Variants in L3HYPDH observed in about 807,000 individuals in gnomAD.
L3HYPDH encodes the protein trans-3-hydroxy-L-proline dehydratase.
L3HYPDH carries 32 observed loss-of-function variants against 26.5 expected under a neutral mutation model. That is an observed-to-expected ratio of 1.21 (90% confidence interval 0.91 to 1.62). L3HYPDH has a LOEUF of 1.62. Among genes scored for constraint, L3HYPDH ranks in the 40% most tolerant of loss-of-function variants. The pLI is 0.00. For missense variants in L3HYPDH, 554 were observed against 476.4 expected (o/e 1.16, Z -1.52); for synonymous variants, 215 against 196.6 (o/e 1.09, Z -0.78).
At chr14:59,475,844 A>G (rs1889588028) in intron 4 of L3HYPDH, 25 bp downstream of exon 4, 1 of 1,595,342 alleles carries the variant, frequency 6.3e-7, no homozygotes, top group African/African-American at 1.4e-5. Context: ...ACATTTATAA[A>G]TAAGAAGCTA....
chr14:59,482,844 ATTCCTGGT>A (rs962203415), intron 1 of L3HYPDH, among the ~76,000 whole-genome samples: 57 of 152,352 alleles, frequency 3.7e-4, no homozygotes, highest in African/African-American at 1.3e-3. Flanking sequence ...GGATAACTCT[ATTCCTGGT>A]AAACTGGCTC....
Position 59,484,104 on chromosome 14 carries a change from C to T in L3HYPDH, c.213G>A (p.Gly71=). Residue 71 remains glycine, a synonymous_variant, in exon 1 of 5, where the codon GGG becomes GGA. Transcript: ENST00000247194. ...GGACCGCCCCGTACATGTCCCGGTG[C>T]CCTCGGGGCTCGAACATGAGCCGTC... is the stretch of plus-strand genomic sequence containing the variant. ...VRRRLMFEPR[G]HRDMYGAVLV... 1 of 1,605,252 alleles carries T rather than the reference C, an allele frequency of 6.2e-7. No individual in the cohort carries two copies. The highest frequency in any genetic ancestry group is 1.1e-5 in the South Asian group (1 of 90,824).
chr14:59,475,205 AAAAC>A (rs1889546235), intron 4 of L3HYPDH: 1 of 152,040 alleles, frequency 6.6e-6, no homozygotes, highest in Non-Finnish European at 1.5e-5. Flanking sequence ...ATAAAACAAA[AAAAC>A]AAAAAAAAAC....
intron 4 of L3HYPDH, among the ~76,000 whole-genome samples, chr14:59,475,596 C>A (rs917995289): frequency 6.6e-6 from 1 of 152,154 alleles, no homozygotes; most frequent in Non-Finnish European, 1.5e-5. Context: ...CCCCACTGTA[C>A]ACTCTTGAGA....
chr14:59,484,120 A>C lies in L3HYPDH; in HGVS notation c.197T>G (p.Met66Arg), dbSNP rs139828539. 2 of 1,603,404 alleles carry C rather than the reference A, an allele frequency of 1.2e-6. No homozygotes were observed. The highest frequency in any genetic ancestry group is 2.2e-5 in the South Asian group (2 of 90,822). ...GTCCCGGTGCCCTCGGGGCTCGAAC[A>C]TGAGCCGTCGCCGCACGTGGTCAAG... ...QHLDHVRRRL[M>R]FEPRGHRDMY... Residue 66 changes from methionine to arginine, a missense_variant, in exon 1 of 5, where the codon ATG becomes AGG. Coordinates refer to ENST00000247194, the MANE Select transcript of L3HYPDH (RefSeq NM_144581.2).
rs1890263039 is a variant in L3HYPDH at position 59,483,912 on chromosome 14, G to A, written c.405C>T (p.Ile135=). 1 of 1,559,826 alleles carries A rather than the reference G, an allele frequency of 6.4e-7. No individual in the cohort carries two copies. Among genetic ancestry groups the A allele is most frequent in the Non-Finnish European group, 8.6e-7 (1 of 1,158,720 alleles). The part of the protein sequence containing the change: ...PAGTREARVN[I]HCPCGLVTAF... Reference sequence around the variant, plus strand: ...CGGTCACCAGCCCGCAGGGGCAGTGGATATTGACGCGGGCCTCGCGGGTGC... The same window carrying A: ...CGGTCACCAGCCCGCAGGGGCAGTGAATATTGACGCGGGCCTCGCGGGTGC... Residue 135 remains isoleucine (I), a synonymous_variant, in exon 1 of 5, where the codon ATC becomes ATT. Coordinates refer to ENST00000247194, the MANE Select transcript of L3HYPDH (RefSeq NM_144581.2).
upstream of L3HYPDH, among the ~76,000 whole-genome samples, chr14:59,488,943 C>CT (rs1472860251): frequency 2.6e-5 from 4 of 152,246 alleles, no homozygotes; most frequent in Admixed American, 2.6e-4. Flanking sequence ...AGACAGCCTA[C>CT]TTTCTATTCT....
chr14:59,484,563 T>C (rs1281182818), upstream of L3HYPDH: 2 of 1,570,982 alleles, frequency 1.3e-6, no homozygotes, highest in Non-Finnish European at 1.7e-6. Flanking sequence ...GATCTAGTGC[T>C]TCTCGAAAAA....
In L3HYPDH at chr14:59,476,019, AAATG is replaced by A; in HGVS notation, c.802-17_802-14del. 6.2e-7 allele frequency: 1 copy of A among 1,613,870 alleles called. No homozygotes were observed. The highest frequency in any genetic ancestry group is 8.5e-7 in the Non-Finnish European group (1 of 1,179,852). ...GACTTCTGTCAACCTGTTTCAGAAT[AAATG>A]AAGACAGAATGTTCATAGTGTGTTC... On this transcript the variant is annotated splice_polypyrimidine_tract_variant and intron_variant, in intron 3 of 4. Coordinates refer to ENST00000247194, the MANE Select transcript of L3HYPDH (RefSeq NM_144581.2).
At chr14:59,466,748 C>T (rs1266683811) in intron 1 of L3HYPDH, among the ~76,000 whole-genome samples, 1 of 152,148 alleles carries the variant, frequency 6.6e-6, no homozygotes, top group Non-Finnish European at 1.5e-5. Context: ...CAAACCAAAA[C>T]TGGGTTTGTC....
the L3HYPDH span, among the ~76,000 whole-genome samples, chr14:59,502,244 C>G: frequency 3.3e-5 from 5 of 152,162 alleles, no homozygotes; most frequent in African/African-American, 1.2e-4. Context: ...GTTAATGGCT[C>G]TGATTTAAGA....
At chr14:59,503,195 C>T in the L3HYPDH span, among the ~76,000 whole-genome samples, 6 of 152,040 alleles carry the variant, frequency 3.9e-5, no homozygotes, top group Admixed American at 1.3e-4. Context: ...GGACCTAAAA[C>T]GGAAAAAGAC....
chr14:59,486,073 C>CTT (rs1217766604), upstream of L3HYPDH: 1 of 152,124 alleles, frequency 6.6e-6, no homozygotes, highest in Non-Finnish European at 1.5e-5. Flanking sequence ...TCCCCTAAGC[C>CTT]TTTAGATCAG....
chr14:59,477,952 C>T (rs1236666408), intron 2 of L3HYPDH, among the ~76,000 whole-genome samples: 3 of 152,076 alleles, frequency 2.0e-5, no homozygotes, highest in Non-Finnish European at 2.9e-5. Context: ...GTGCTTCACT[C>T]GTGCTAGAAG....
chr14:59,499,109 C>T, the L3HYPDH span, among the ~76,000 whole-genome samples: 1 of 144,606 alleles, frequency 6.9e-6, no homozygotes, highest in Non-Finnish European at 1.5e-5. Context: ...CTGCAACCTC[C>T]GCCTCCTGGG....
At chr14:59,481,928 G>C (rs8014724) in intron 1 of L3HYPDH, among the ~76,000 whole-genome samples, 61,260 of 152,102 alleles carry the variant, frequency 0.4, 13,352 homozygotes, top group African/African-American at 0.57. Context: ...GCACAGATTA[G>C]GGACTCGAAA....
chr14:59,493,420 G>C, the L3HYPDH span, among the ~76,000 whole-genome samples: 7 of 152,274 alleles, frequency 4.6e-5, no homozygotes, highest in South Asian at 1.5e-3. Flanking sequence ...ACCATGTGGA[G>C]CAGAAAGAAC....
chr14:59,469,905 A>C (rs1889271726), downstream of L3HYPDH, among the ~76,000 whole-genome samples: 1 of 152,208 alleles, frequency 6.6e-6, no homozygotes, highest in Non-Finnish European at 1.5e-5. Flanking sequence ...GTGACAATTT[A>C]AGGACAGAGT....
At chr14:59,480,579 T>G (rs1889944361) in intron 1 of L3HYPDH, among the ~76,000 whole-genome samples, 1 of 152,170 alleles carries the variant, frequency 6.6e-6, no homozygotes, top group South Asian at 2.1e-4. Flanking sequence ...AGAAATTAAG[T>G]TTTGGGAAAG....
Sources: gnomAD v4.1 joint callset for allele counts (sites outside exome capture counted in the v4.1 genomes callset) on GRCh38, gnomAD v4.1.1 for gene constraint, MANE v1.5 for transcripts, NCBI Gene and HGNC (gene_info 2026-07-23, HGNC 2026-07-21) for gene names.